PDE4D: variants seen among roughly 807,000 people sequenced by gnomAD.
The protein encoded by PDE4D is phosphodiesterase 4D, also known as 3',5'-cyclic-AMP phosphodiesterase 4D.
In PDE4D, 24 loss-of-function variants were observed where a neutral mutation model predicts 87.4. That is an observed-to-expected ratio of 0.27 (90% CI 0.20 to 0.39). The LOEUF (loss-of-function observed/expected upper bound fraction) is 0.39, where lower values mean the gene tolerates loss of function less well. Among genes scored for constraint, PDE4D ranks in the 10% least tolerant of loss-of-function variants. PDE4D has a pLI of 1.00. For synonymous variants in PDE4D, 384 were observed against 383.2 expected (o/e 1.00, Z -0.02); for missense variants, 714 against 1,041.0 (o/e 0.69, Z 4.32).
chr5:60,491,989 G>A (rs152312), upstream of PDE4D, among the ~76,000 whole-genome samples: 16,852 of 152,122 alleles, frequency 0.11, 1,339 homozygotes, highest in East Asian at 0.37. Flanking sequence ...GAAAATTGTC[G>A]GGAGGGATAG....
At chr5:59,606,076 T>C (rs1271031764) in intron 1 of PDE4D, among the ~76,000 whole-genome samples, 1 of 152,110 alleles carries the variant, frequency 6.6e-6, no homozygotes, top group African/African-American at 2.4e-5. Flanking sequence ...TATATACATA[T>C]GTATATACAT....
At chr5:59,749,755 C>T (rs890569150) in intron 1 of PDE4D, among the ~76,000 whole-genome samples, 1 of 152,168 alleles carries the variant, frequency 6.6e-6, no homozygotes, top group Non-Finnish European at 1.5e-5. Flanking sequence ...ATACCACCTA[C>T]ATTTTAATAA....
intron 1 of PDE4D, among the ~76,000 whole-genome samples, chr5:59,268,828 C>T (rs1219350948): frequency 6.6e-6 from 1 of 152,050 alleles, no homozygotes; most frequent in African/African-American, 2.4e-5. Flanking sequence ...AGCTTAAAAA[C>T]TCCTTAAAGG....
Position 58,975,421 on chromosome 5 carries a change from TTAAATGAATATAGTCATAA to T in PDE4D, c.2013+217_2013+235del, listed in dbSNP as rs1561210020. Among the ~76,000 whole-genome samples the T allele has an allele frequency of 6.6e-6, 1 of 152,180 alleles. No homozygotes were observed. Among genetic ancestry groups the T allele is most frequent in the Non-Finnish European group, 1.5e-5 (1 of 68,024 alleles). On this transcript the variant is annotated intron_variant, in intron 14 of 14. Transcript: ENST00000340635. The surrounding 1 kb of genome is among the most constrained non-coding windows in gnomAD (Gnocchi z 4.2). Reference sequence around the variant, plus strand: ...CATGTGCTCTATGTATATGAATATATTAAATGAATATAGTCATAATAAATGAATATGTCTTTAGAATATA... The same window carrying T: ...CATGTGCTCTATGTATATGAATATATTAAATGAATATGTCTTTAGAATATA...
chr5:59,052,405 G>A (rs948800411), intron 5 of PDE4D, among the ~76,000 whole-genome samples: 4 of 152,292 alleles, frequency 2.6e-5, no homozygotes, highest in Middle Eastern at 3.4e-3. Context: ...CCAGGGAGGA[G>A]AAGGGATATA....
At chr5:60,400,414 C>A (rs912288698) in intron 1 of PDE4D, among the ~76,000 whole-genome samples, 1 of 139,274 alleles carries the variant, frequency 7.2e-6, no homozygotes, top group Non-Finnish European at 1.5e-5. Context: ...CCCAGCTACT[C>A]GGGAGGCTGA....
intron 2 of PDE4D, 142 bp from the exon 3 acceptor site, chr5:59,193,678 C>A: frequency 2.1e-6 from 3 of 1,456,582 alleles, no homozygotes; most frequent in Non-Finnish European, 1.8e-6. Flanking sequence ...AGCACATGTT[C>A]TTCCCAGCAA....
In PDE4D at chr5:58,974,811, G is replaced by A. The variant is rs1580011934; in HGVS notation, c.2283C>T (p.Ser761=). The A allele has an allele frequency of 2.5e-6, 4 of 1,613,690 alleles. No homozygotes were observed. The South Asian group carries it at 4.4e-5, about 18-fold the overall frequency. ...TACAAAGAGTCTTGGAGTCACTGCAGCTAGTGTCTTCTTCCACTTGACTGC... is the reference window on the plus strand; with the variant it reads ...TACAAAGAGTCTTGGAGTCACTGCAACTAGTGTCTTCTTCCACTTGACTGC... ...DSGSQVEEDT[S]CSDSKTLCTQ... The change falls in exon 15 of 15, where the codon AGC becomes AGT. Residue 761 remains serine (S), a synonymous_variant. Coordinates refer to ENST00000340635, the MANE Select transcript of PDE4D (RefSeq NM_001104631.2).
intron 1 of PDE4D, among the ~76,000 whole-genome samples, chr5:59,387,580 T>C (rs187563418): frequency 6.6e-6 from 1 of 152,204 alleles, no homozygotes; most frequent in East Asian, 1.9e-4. Flanking sequence ...TTAGGATTCT[T>C]TGTTCAGTTT....
intron 6 of PDE4D, among the ~76,000 whole-genome samples, chr5:59,023,341 T>C (rs1251821062): frequency 6.6e-6 from 1 of 152,058 alleles, no homozygotes; most frequent in Non-Finnish European, 1.5e-5. Flanking sequence ...CATTAGGTTT[T>C]CATCTTTAAA....
intron 2 of PDE4D, among the ~76,000 whole-genome samples, chr5:60,133,681 G>GGACGT (rs536918687): frequency 3.5e-4 from 54 of 152,212 alleles, no homozygotes; most frequent in African/African-American, 1.2e-3. Flanking sequence ...GATGCTAACT[G>GGACGT]GACGTTTCCA....
At chr5:60,392,443 C>G (rs1762615827) in intron 1 of PDE4D, among the ~76,000 whole-genome samples, 1 of 152,196 alleles carries the variant, frequency 6.6e-6, no homozygotes, top group Non-Finnish European at 1.5e-5. Flanking sequence ...AGCCTCACCT[C>G]TTTCATTTGG....
chr5:59,908,947 C>G (rs1002535317), intron 3 of PDE4D, among the ~76,000 whole-genome samples: 3 of 152,114 alleles, frequency 2.0e-5, no homozygotes, highest in Non-Finnish European at 2.9e-5. Context: ...ATCATTTGAT[C>G]TTATATTTTC....
intron 2 of PDE4D, among the ~76,000 whole-genome samples, chr5:59,204,556 T>C (rs27727): frequency 0.34 from 52,164 of 152,044 alleles, 9,280 homozygotes; most frequent in South Asian, 0.55. Flanking sequence ...TTTTGTTTAA[T>C]AAAAACCAAT....
At chr5:60,414,116 A>G (rs1175990910) in intron 1 of PDE4D, among the ~76,000 whole-genome samples, 1 of 152,200 alleles carries the variant, frequency 6.6e-6, no homozygotes, top group Non-Finnish European at 1.5e-5. Context: ...TCTGTCATAC[A>G]CAGTAGGGCC....
chr5:60,503,849 A>G (rs549248120), intron 1 of PDE4D, among the ~76,000 whole-genome samples: 29 of 152,300 alleles, frequency 1.9e-4, no homozygotes, highest in African/African-American at 7.0e-4. Flanking sequence ...TGCAAACACA[A>G]TCAGGGTATC....
intron 1 of PDE4D, among the ~76,000 whole-genome samples, chr5:60,459,599 A>G (rs1746761188): frequency 6.6e-6 from 1 of 152,036 alleles, no homozygotes; most frequent in Admixed American, 6.6e-5. Context: ...TTTTTCCCAC[A>G]GAGCTCGGTG....
intron 1 of PDE4D, among the ~76,000 whole-genome samples, chr5:59,227,906 T>C (rs937973453): frequency 5.9e-5 from 9 of 152,144 alleles, no homozygotes; most frequent in Non-Finnish European, 1.0e-4. Context: ...ACAGGGTATA[T>C]ACCAAAAGGA....
intron 1 of PDE4D, among the ~76,000 whole-genome samples, chr5:60,359,992 G>A (rs572303214): frequency 6.6e-6 from 1 of 152,280 alleles, no homozygotes; most frequent in South Asian, 2.1e-4. Flanking sequence ...CACTGTGCCA[G>A]TGCTAAGCAC....
Sources: gnomAD v4.1 joint callset for allele counts (sites outside exome capture counted in the v4.1 genomes callset) on GRCh38, gnomAD v4.1.1 for gene constraint, Gnocchi (gnomAD v3.1) non-coding constraint, MANE v1.5 for transcripts, NCBI Gene and HGNC (gene_info 2026-07-23, HGNC 2026-07-21) for gene names.